The following BLTP2 variants were observed in gnomAD, a reference collection of about 807,000 sequenced individuals.
The protein encoded by BLTP2 is U937-associated antigen.
chr17:28,636,113 C>T, the BLTP2 span, among the ~76,000 whole-genome samples: 7 of 152,172 alleles, frequency 4.6e-5, no homozygotes, highest in Non-Finnish European at 8.8e-5. Flanking sequence ...AGCTGACTTA[C>T]GTAAAAGTAT....
chr17:28,631,322 G>A, the BLTP2 span, among the ~76,000 whole-genome samples: 23 of 152,112 alleles, frequency 1.5e-4, no homozygotes, highest in Non-Finnish European at 4.4e-5. Flanking sequence ...CCAACCATGC[G>A]GGCACCGTGA....
chr17:28,633,883 A>G, the BLTP2 span: 1 of 1,613,236 alleles, frequency 6.2e-7, no homozygotes, highest in Non-Finnish European at 8.5e-7. Flanking sequence ...CAACTGCCTC[A>G]TCTCTACTCA....
At chr17:28,629,468 T>A in the BLTP2 span, among the ~76,000 whole-genome samples, 5 of 151,880 alleles carry the variant, frequency 3.3e-5, no homozygotes, top group South Asian at 2.1e-4. Flanking sequence ...TTTATTTATT[T>A]TTTATTTATT....
At chr17:28,639,256 C>A in the BLTP2 span, 3 of 1,583,950 alleles carry the variant, frequency 1.9e-6, no homozygotes, top group Non-Finnish European at 2.6e-6. Context: ...CCAATTTGGA[C>A]CAAAAGAATC....
the BLTP2 span, among the ~76,000 whole-genome samples, chr17:28,629,160 T>C: frequency 6.6e-6 from 1 of 152,038 alleles, no homozygotes; most frequent in East Asian, 1.9e-4. Context: ...CTTCCTGCCT[T>C]AGTCTCCCAA....
the BLTP2 span, chr17:28,638,751 G>T: frequency 1.8e-4 from 127 of 701,298 alleles, no homozygotes; most frequent in Non-Finnish European, 2.9e-4. Flanking sequence ...GAGTTTTATT[G>T]TGATTCTTAG....
the BLTP2 span, chr17:28,644,936 G>C: frequency 6.9e-7 from 1 of 1,444,200 alleles, no homozygotes; most frequent in Non-Finnish European, 9.5e-7. Flanking sequence ...CCTCCTCTCC[G>C]CCCCCTCCCT....
At chr17:28,620,857 G>C in the BLTP2 span, 1 of 1,000,332 alleles carries the variant, frequency 1.0e-6, no homozygotes, top group Non-Finnish European at 1.5e-6. Context: ...ACAAAAAGTA[G>C]AGCAAAGTGA....
the BLTP2 span, chr17:28,639,516 G>A: frequency 9.9e-6 from 16 of 1,612,910 alleles, no homozygotes; most frequent in Non-Finnish European, 1.2e-5. Flanking sequence ...AACTCAAAAC[G>A]AAATAATGTA....
chr17:28,639,332 TAGAAC>T, the BLTP2 span: 2 of 1,614,180 alleles, frequency 1.2e-6, no homozygotes, highest in Non-Finnish European at 1.7e-6. Flanking sequence ...TCCTTTGCTT[TAGAAC>T]AGGTGAACTA....
At chr17:28,642,225 C>T in the BLTP2 span, 6 of 1,604,938 alleles carry the variant, frequency 3.7e-6, no homozygotes, top group East Asian at 1.3e-4. Context: ...CTCCTTCACA[C>T]TTTACGCCCA....
At chr17:28,640,055 GATGTGGAATGCC>G in the BLTP2 span, 1 of 1,609,492 alleles carries the variant, frequency 6.2e-7, no homozygotes, top group Non-Finnish European at 8.5e-7. Flanking sequence ...AGCTCAGGAA[GATGTGGAATGCC>G]ATTCCTACTT....
chr17:28,633,000 G>T, the BLTP2 span: 4 of 1,574,326 alleles, frequency 2.5e-6, no homozygotes, highest in East Asian at 9.0e-5. Flanking sequence ...CCGAGCGAAA[G>T]GCCCGGTAGG....
At chr17:28,635,463 A>T in the BLTP2 span, 1 of 1,614,188 alleles carries the variant, frequency 6.2e-7, no homozygotes, top group East Asian at 2.2e-5. Flanking sequence ...TAGTTCCTGA[A>T]GTCTCTAGTG....
the BLTP2 span, chr17:28,619,121 T>C: frequency 1.6e-6 from 1 of 614,492 alleles, no homozygotes; most frequent in African/African-American, 1.8e-5. Context: ...ACTGAATTTA[T>C]TGCTCCTGAC....
At chr17:28,633,584 T>A in the BLTP2 span, 1 of 1,614,028 alleles carries the variant, frequency 6.2e-7, no homozygotes, top group Non-Finnish European at 8.5e-7. Context: ...GCCTGTTCAA[T>A]GTCCATGTGC....
the BLTP2 span, among the ~76,000 whole-genome samples, chr17:28,641,610 C>T: frequency 1.6e-4 from 24 of 151,232 alleles, no homozygotes; most frequent in Non-Finnish European, 3.1e-4. Flanking sequence ...CATTGCACTC[C>T]AGCCTGGGTG....
the BLTP2 span, chr17:28,621,372 T>C: frequency 2.8e-5 from 45 of 1,580,360 alleles, no homozygotes; most frequent in Non-Finnish European, 3.7e-5. Context: ...TCCTAATCAT[T>C]TGATGCAGAG....
the BLTP2 span, chr17:28,643,584 G>C: frequency 5.8e-5 from 93 of 1,603,938 alleles, 2 homozygotes; most frequent in South Asian, 9.6e-4. Context: ...TCTTCTAGGG[G>C]AGAAGTGAGA....
Sources: allele counts gnomAD v4.1 joint callset (sites outside exome capture counted in the v4.1 genomes callset), GRCh38; gene constraint gnomAD v4.1.1; transcripts MANE v1.5; gene names NCBI Gene and HGNC (gene_info 2026-07-23, HGNC 2026-07-21).